Variants in FHL1 observed in about 807,000 individuals in gnomAD.
FHL1 encodes four and a half LIM domains 1.
Under a neutral mutation model 20.3 loss-of-function variants are expected in FHL1, and 1 was observed. The ratio of observed to expected loss-of-function variants is 0.05; its 90% confidence interval spans 0.02 to 0.23. The LOEUF (loss-of-function observed/expected upper bound fraction) is 0.23. Ranked by LOEUF, FHL1 falls within the 10% of genes least tolerant of loss-of-function variation. The pLI is 1.00. For synonymous variants in FHL1, 82 were observed against 88.9 expected (o/e 0.92, Z 0.44); for missense variants, 177 against 234.0 (o/e 0.76, Z 1.59).
rs2073856698 is a variant in FHL1 at position 136,206,936 on chromosome X, G to A, written c.205-80G>A. 33 of 1,083,440 alleles carry A rather than the reference G, an allele frequency of 3.0e-5. No homozygotes were observed. The South Asian group carries it at 6.1e-4, about 20-fold the overall frequency. 89.3% of individuals were successfully genotyped at this position (1,083,440 alleles called of 1,213,427 possible). ...TGTCATCTCAGTGGTCAGTCCCAGGGAAATCAGCCTTATGGGAGGGCTCCT... is the reference window on the plus strand; with the variant it reads ...TGTCATCTCAGTGGTCAGTCCCAGGAAAATCAGCCTTATGGGAGGGCTCCT... On this transcript the variant is annotated intron_variant, in intron 2 of 5. Transcript: ENST00000370683.
intron 3 of FHL1, 75 bp downstream of exon 3, chrX:136,207,265 T>C: frequency 9.5e-7 from 1 of 1,051,930 alleles, no homozygotes; most frequent in Non-Finnish European, 1.3e-6. Flanking sequence ...TTGCTTATCA[T>C]GGTGGGGCTA....
At chrX:136,198,862 A>G (rs373976484) in intron 1 of FHL1, among the ~76,000 whole-genome samples, 3 of 111,854 alleles carry the variant, frequency 2.7e-5, no homozygotes, top group African/African-American at 9.8e-5. Context: ...TTACACAGCC[A>G]TCGATTCCCT....
At chrX:136,151,365 A>G (rs1054763006) in intron 1 of FHL1, among the ~76,000 whole-genome samples, 10 of 113,050 alleles carry the variant, frequency 8.8e-5, no homozygotes, top group Non-Finnish European at 1.3e-4. Flanking sequence ...GAACAATAAC[A>G]GCGTCTTGAG....
rs985929137 is a variant in FHL1, at chrX:136,210,632, C to T, written c.*607C>T. The stretch of plus-strand genomic sequence containing the variant: ...CTAAACTGACCTTTCCCCGTACTAA[C>T]GTTTGGTTTCCCCGTGTGGCATGTT... On this transcript the variant is annotated 3_prime_UTR_variant, in exon 6 of 6. Transcript: ENST00000370683. The T allele has an allele frequency of 1.8e-5, 7 of 388,543 alleles. No homozygotes were observed. The highest frequency in any genetic ancestry group is 1.5e-4 in the African/African-American group (6 of 40,730). The allele number at this position is 388,543 out of a possible 1,213,427, so 32.0% of individuals were successfully genotyped here.
At chrX:136,182,623 A>C (rs927637048) in intron 2 of FHL1, 1 of 111,877 alleles carries the variant, frequency 8.9e-6, no homozygotes, top group African/African-American at 3.3e-5. Flanking sequence ...GGAAGTCTTC[A>C]CTAGCACTCT....
chrX:136,193,235 G>T (rs1488064502), upstream of FHL1, among the ~76,000 whole-genome samples: 1 of 111,900 alleles, frequency 8.9e-6, no homozygotes, highest in African/African-American at 3.3e-5. Flanking sequence ...TTCAGGAAAA[G>T]AAAAATCTAG....
intron 2 of FHL1, among the ~76,000 whole-genome samples, chrX:136,191,995 A>G (rs188147440): frequency 1.8e-5 from 2 of 112,217 alleles, no homozygotes; most frequent in Non-Finnish European, 3.8e-5. Flanking sequence ...TAAAACAGAT[A>G]TGTCACAAGT....
At chrX:136,189,269 A>G (rs1364529165) in intron 2 of FHL1, among the ~76,000 whole-genome samples, 1 of 111,385 alleles carries the variant, frequency 9.0e-6, no homozygotes, top group Non-Finnish European at 1.9e-5. Context: ...TAGAGCAGAG[A>G]TTTGTTCTCC....
upstream of FHL1, among the ~76,000 whole-genome samples, chrX:136,193,335 T>G (rs1163228634): frequency 8.9e-6 from 1 of 112,080 alleles, no homozygotes; most frequent in Non-Finnish European, 1.9e-5. Flanking sequence ...CCGTGTTTGA[T>G]TCTTCGGTTG....
At position 136,211,139 on chromosome X, in the gene FHL1, C is replaced by A. The variant is rs779004582; in HGVS notation, c.*1114C>A. The A allele has an allele frequency of 1.9e-5, 7 of 371,874 alleles. No homozygotes were observed. Among genetic ancestry groups the A allele is most frequent in the East Asian group, 1.8e-4 (3 of 16,979 alleles). The allele number at this position is 371,874 out of a possible 1,213,427, so 30.6% of individuals were successfully genotyped here. On this transcript the variant is annotated 3_prime_UTR_variant, in exon 6 of 6. Coordinates refer to ENST00000370683, the MANE Select transcript of FHL1 (RefSeq NM_001159699.2). ...AATCTGGATTTCCACCTACCGCTTA[C>A]CTGAAATGCAGGATCACCTACTTAC...
intron 2 of FHL1, among the ~76,000 whole-genome samples, chrX:136,188,067 T>C (rs1279540086): frequency 1.8e-5 from 2 of 111,977 alleles, no homozygotes; most frequent in African/African-American, 6.5e-5. Flanking sequence ...AACAAAAGTT[T>C]TCACCTAAGA....
chrX:136,161,286 C>G (rs1247866029), intron 1 of FHL1, among the ~76,000 whole-genome samples: 1 of 111,281 alleles, frequency 9.0e-6, no homozygotes, highest in Non-Finnish European at 1.9e-5. Context: ...ATTCTGTCTT[C>G]TCTTTATCCT....
At position 136,162,278 on chromosome X, in the gene FHL1, C is replaced by T. The variant is rs751653944; in HGVS notation, c.-100-7629C>T. Among the ~76,000 whole-genome samples, 3 of 111,068 alleles carry T rather than the reference C, an allele frequency of 2.7e-5. No homozygotes were observed. The South Asian group carries it at 1.2e-3, about 43-fold the overall frequency. ...AGAGTCAGGAGTTTTGAATCCTAGC[C>T]TGAGTTCTGCCACTAAGCATTGGAA... On this transcript the variant is annotated intron_variant, in intron 1 of 7. Coordinates refer to the FHL1 transcript ENST00000394155.
At chrX:136,165,965 T>C (rs906554084), upstream of FHL1, among the ~76,000 whole-genome samples, 3 of 112,517 alleles carry the variant, frequency 2.7e-5, no homozygotes, top group African/African-American at 9.7e-5. Context: ...TTTGAAAGCA[T>C]GACTAACTCT....
intron 2 of FHL1, among the ~76,000 whole-genome samples, chrX:136,172,105 G>C (rs1433370282): frequency 1.8e-5 from 2 of 111,391 alleles, no homozygotes; most frequent in Non-Finnish European, 3.8e-5. Context: ...TGTTGGCTAG[G>C]CTGGTCTCAA....
chrX:136,153,495 TCAAC>T (rs1176584334), intron 1 of FHL1, among the ~76,000 whole-genome samples: 1 of 112,135 alleles, frequency 8.9e-6, no homozygotes, highest in East Asian at 2.8e-4. Context: ...ACTTGAGTAA[TCAAC>T]CACTGTGTAT....
chrX:136,192,584 G>A (rs1443661626), upstream of FHL1, among the ~76,000 whole-genome samples: 4 of 111,942 alleles, frequency 3.6e-5, no homozygotes, highest in African/African-American at 1.3e-4. Flanking sequence ...CTTCTCATTT[G>A]TTACAGGTCT....
rs1392827457 is a variant in FHL1, at chrX:136,210,574, C to A, written c.*549C>A. 2 of 390,789 alleles carry A rather than the reference C, an allele frequency of 5.1e-6. No individual in the cohort carries two copies. Among genetic ancestry groups the A allele is most frequent in the South Asian group, 5.1e-5 (2 of 39,008 alleles). The allele number at this position is 390,789 out of a possible 1,213,427, so 32.2% of individuals were successfully genotyped here. ...GCTTTCAAATAACTAACACGAACTT[C>A]CAGAAAATTAACATTTGAACTTAGC... On this transcript the variant is annotated 3_prime_UTR_variant, in exon 6 of 6. Coordinates refer to ENST00000370683, the MANE Select transcript of FHL1 (RefSeq NM_001159699.2).
chrX:136,207,235 A>C, intron 3 of FHL1, 45 bp downstream of exon 3: 1 of 1,149,830 alleles, frequency 8.7e-7, no homozygotes, highest in Non-Finnish European at 1.2e-6. Flanking sequence ...GGAGGCCCTG[A>C]GGGCAGACGT....
Sources: allele counts gnomAD v4.1 joint callset (sites outside exome capture counted in the v4.1 genomes callset), GRCh38; gene constraint gnomAD v4.1.1; transcripts MANE v1.5; gene names NCBI Gene and HGNC (gene_info 2026-07-23, HGNC 2026-07-21).